ZNF850: variants seen among roughly 807,000 people sequenced by gnomAD.
ZNF850 encodes the protein zinc finger protein 850, also known as putative zinc finger protein ENSP00000330994.
Under a neutral mutation model 11.9 loss-of-function variants are expected in ZNF850, and 2 were observed. The ratio of observed to expected loss-of-function variants is 0.17; its 90% CI spans 0.07 to 0.53. The LOEUF (loss-of-function observed/expected upper bound fraction) is 0.53, where lower values mean the gene tolerates loss of function less well. ZNF850 is among the 20% of genes least tolerant of loss of function. The pLI is 0.94. For synonymous variants in ZNF850, 381 were observed against 443.0 expected (o/e 0.86, Z 1.76); for missense variants, 1,014 against 1,316.4 (o/e 0.77, Z 3.55).
At chr19:36,769,071 G>T (rs1384582631) in intron 1 of ZNF850, among the ~76,000 whole-genome samples, 1 of 151,790 alleles carries the variant, frequency 6.6e-6, no homozygotes, top group African/African-American at 2.4e-5. Flanking sequence ...GACCAGCCTG[G>T]CCAACATGGT....
chr19:36,753,286 A>AAT (rs2040464611), intron 4 of ZNF850, among the ~76,000 whole-genome samples: 1 of 149,612 alleles, frequency 6.7e-6, no homozygotes, highest in South Asian at 2.1e-4. Context: ...AAAAAAAAAA[A>AAT]AAAAAAGTAA....
intron 1 of ZNF850, among the ~76,000 whole-genome samples, chr19:36,763,619 A>C (rs1166987092): frequency 6.6e-6 from 1 of 152,014 alleles, no homozygotes; most frequent in African/African-American, 2.4e-5. Context: ...AATAGTATAG[A>C]TAGCACTTCG....
intron 1 of ZNF850, among the ~76,000 whole-genome samples, chr19:36,771,348 G>A (rs966390382): frequency 6.6e-6 from 1 of 152,134 alleles, no homozygotes; most frequent in Non-Finnish European, 1.5e-5. Flanking sequence ...CCTTAGCCCG[G>A]GACCAATCCC....
rs1162525214 is a variant in ZNF850 at position 36,750,818 on chromosome 19, A to C, written c.236-14T>G. On this transcript the variant is annotated splice_polypyrimidine_tract_variant and intron_variant, in intron 4 of 4. Coordinates refer to ENST00000591344, the MANE Select transcript of ZNF850 (RefSeq NM_001193552.2). ...TAAACTCCGAGTCTGAAAAATAACC[A>C]GAAAGCAAAAACATAGCATTTCCTT... is the stretch of plus-strand genomic sequence containing the variant. The C allele has an allele frequency of 8.1e-6, 12 of 1,481,614 alleles. No individual in the cohort carries two copies. The highest frequency in any genetic ancestry group is 1.1e-5 in the Non-Finnish European group (12 of 1,122,724). The allele number at this position is 1,481,614 out of a possible 1,614,324, so 91.8% of individuals were successfully genotyped here.
intron 1 of ZNF850, among the ~76,000 whole-genome samples, chr19:36,766,109 C>T (rs546858591): frequency 5.6e-4 from 83 of 149,268 alleles, no homozygotes; most frequent in Non-Finnish European, 1.0e-3. Context: ...CCAGGCTGGT[C>T]TCAAACTCCT....
At chr19:36,764,372 T>C (rs558292684) in intron 1 of ZNF850, among the ~76,000 whole-genome samples, 2 of 152,316 alleles carry the variant, frequency 1.3e-5, no homozygotes, top group Admixed American at 1.3e-4. Context: ...CACCTGGTCA[T>C]GGGTCAGACA....
At position 36,747,839 on chromosome 19, in the gene ZNF850, A is replaced by T; in HGVS notation, c.3201T>A (p.Cys1067Ter). The change falls in exon 5 of 5, where the codon TGT becomes TGA. Residue 1067 changes from cysteine to a stop codon, truncating the protein, a stop_gained. Coordinates refer to ENST00000591344, the MANE Select transcript of ZNF850 (RefSeq NM_001193552.2). LOFTEE classifies it high-confidence loss of function. ...SVHTGEKPYECKTCGKAFKQL... is the reference protein window; with the variant it reads ...SVHTGEKPYE ...GTTTAAAGGCCTTCCCACATGTCTT[A>T]CATTCATAGGGTTTCTCGCCAGTGT... 1 of 1,579,848 alleles carries T rather than the reference A, an allele frequency of 6.3e-7. No homozygotes were observed. The highest frequency in any genetic ancestry group is 8.6e-7 in the Non-Finnish European group (1 of 1,166,556).
At chr19:36,751,099 A>G (rs1323696805) in intron 4 of ZNF850, among the ~76,000 whole-genome samples, 1 of 151,246 alleles carries the variant, frequency 6.6e-6, no homozygotes, top group East Asian at 1.9e-4. Flanking sequence ...GATGGTGTAC[A>G]TACATGGTAT....
At chr19:36,757,071 G>C (rs2040490966) in intron 4 of ZNF850, among the ~76,000 whole-genome samples, 1 of 152,144 alleles carries the variant, frequency 6.6e-6, no homozygotes, top group South Asian at 2.1e-4. Flanking sequence ...TCATTTGACT[G>C]GCTAGTTTGA....
intron 4 of ZNF850, among the ~76,000 whole-genome samples, chr19:36,760,366 G>C (rs1347310712): frequency 6.6e-6 from 1 of 152,102 alleles, no homozygotes; most frequent in African/African-American, 2.4e-5. Flanking sequence ...AGAATTGCTT[G>C]AATTCAGGAT....
chr19:36,753,978 A>T (rs1459550713), intron 4 of ZNF850, among the ~76,000 whole-genome samples: 2 of 152,006 alleles, frequency 1.3e-5, no homozygotes, highest in African/African-American at 4.8e-5. Flanking sequence ...AGAAGACAGG[A>T]AAAGTGAGAC....
intron 4 of ZNF850, among the ~76,000 whole-genome samples, chr19:36,761,205 C>T (rs1182632648): frequency 2.0e-5 from 3 of 151,908 alleles, no homozygotes; most frequent in Admixed American, 6.6e-5. Flanking sequence ...TTTCAGAGGC[C>T]GAGGCAGGTG....
chr19:36,768,353 A>G (rs959252880), intron 1 of ZNF850, among the ~76,000 whole-genome samples: 26 of 152,230 alleles, frequency 1.7e-4, no homozygotes, highest in African/African-American at 6.3e-4. Flanking sequence ...CTTTAAAAAT[A>G]TCAATACTTC....
chr19:36,767,785 T>A (rs2040557670), intron 1 of ZNF850, among the ~76,000 whole-genome samples: 2 of 150,050 alleles, frequency 1.3e-5, no homozygotes, highest in Non-Finnish European at 1.5e-5. Flanking sequence ...AAAAAAGAAC[T>A]CCAAAAAAAC....
In ZNF850 at chr19:36,747,738, A is replaced by T; in HGVS notation, c.*29T>A. On this transcript the variant is annotated 3_prime_UTR_variant, in exon 5 of 5. Transcript: ENST00000591344. ...TGGAATCTGCTGATGATCCATGACA[A>T]ATGGCATGAGAACAGTTTCCTACAT... 6.8e-7 allele frequency: 1 copy of T among 1,460,862 alleles called. No individual in the cohort carries two copies. Among genetic ancestry groups the T allele is most frequent in the Admixed American group, 2.5e-5 (1 of 39,532 alleles). The allele number at this position is 1,460,862 out of a possible 1,614,324, so 90.5% of individuals were successfully genotyped here. A position where few individuals can be genotyped will look rare whatever the true frequency, so the allele number is the denominator to read the frequency against.
Position 36,762,297 on chromosome 19 carries a change from A to G in ZNF850, c.139+8T>C, listed in dbSNP as rs957923819. On this transcript the variant is annotated splice_region_variant and intron_variant, in intron 3 of 4. Transcript: ENST00000591344. ...ATTCATGAGTTATTTGCGGATAGAC[A>G]TCCTTACCTAGTGAGACCAGGCTGC... 31 of 1,526,546 alleles carry G rather than the reference A, an allele frequency of 2.0e-5. No homozygotes were observed. Among genetic ancestry groups the G allele is most frequent in the Admixed American group, 4.4e-5 (2 of 45,510 alleles). The allele number at this position is 1,526,546 out of a possible 1,614,324, so 94.6% of individuals were successfully genotyped here. A position where few individuals can be genotyped will look rare whatever the true frequency, so the allele number is the denominator to read the frequency against.
At position 36,749,360 on chromosome 19, in the gene ZNF850, G is replaced by A. The variant is rs2040436366; in HGVS notation, c.1680C>T (p.Pro560=). The part of the protein sequence containing the change: ...GHQAVHTGEK[P]YDCKECGKSF... The stretch of plus-strand genomic sequence containing the variant: ...ATTTTCCACATTCTTTACAATCATA[G>A]GGTTTCTCACCAGTGTGAACTGCCT... The change falls in exon 5 of 5, where the codon CCC becomes CCT. Residue 560 remains proline (P), a synonymous_variant. Coordinates refer to ENST00000591344, the MANE Select transcript of ZNF850 (RefSeq NM_001193552.2). 1 of 1,548,748 alleles carries A rather than the reference G, an allele frequency of 6.5e-7. No homozygotes were observed. The highest frequency in any genetic ancestry group is 2.4e-5 in the East Asian group (1 of 41,398).
In ZNF850 at chr19:36,748,982, T is replaced by C. The variant is rs766628759; in HGVS notation, c.2058A>G (p.Thr686=). 2 of 1,603,856 alleles carry C rather than the reference T, an allele frequency of 1.2e-6. No individual in the cohort carries two copies. Among genetic ancestry groups the C allele is most frequent in the African/African-American group, 2.7e-5 (2 of 74,676 alleles). ...PDCGKAFRQR[T]YLNQHRRIHT... is the part of the protein sequence containing the mutation. The stretch of plus-strand genomic sequence containing the variant: ...GAATTCTCCGATGTTGATTAAGGTA[T>C]GTACGCTGTCTAAAGGCCTTCCCAC... Residue 686 remains threonine (T), a synonymous_variant, in exon 5 of 5, where the codon ACA becomes ACG. Coordinates refer to ENST00000591344, the MANE Select transcript of ZNF850 (RefSeq NM_001193552.2).
intron 1 of ZNF850, among the ~76,000 whole-genome samples, chr19:36,771,888 A>G (rs2040586728): frequency 6.6e-6 from 1 of 152,146 alleles, no homozygotes. Flanking sequence ...ACTTTCTCCC[A>G]GGCAACAAGC....
Sources: allele counts gnomAD v4.1 joint callset (sites outside exome capture counted in the v4.1 genomes callset), GRCh38; gene constraint gnomAD v4.1.1; transcripts MANE v1.5; gene names NCBI Gene and HGNC (gene_info 2026-07-23, HGNC 2026-07-21).